Variants in FIGN observed in about 807,000 individuals in gnomAD.
FIGN encodes the protein fidgetin.
A neutral mutation model predicts 51.3 loss-of-function variants in FIGN; 11 were observed. The observed-to-expected ratio is 0.21, with a 90% confidence interval of 0.13 to 0.35. The LOEUF is 0.35. Among genes scored for constraint, FIGN ranks in the 10% least tolerant of loss-of-function variants. FIGN has a pLI of 1.00. For missense variants in FIGN, 857 were observed against 943.6 expected (o/e 0.91, Z 1.20); for synonymous variants, 407 against 363.2 (o/e 1.12, Z -1.37).
At position 163,676,475 on chromosome 2, in the gene FIGN, AT is replaced by A. The variant is rs1559017822; in HGVS notation, c.25+58427del. On this transcript the variant is annotated intron_variant, in intron 2 of 2. Coordinates refer to ENST00000333129, the MANE Select transcript of FIGN (RefSeq NM_018086.4). Reference sequence around the variant, plus strand: ...TATATATATATATATATATATATATATATATATAACTAGAGTCTGTGCACCC... The same window carrying A: ...TATATATATATATATATATATATATAATATATAACTAGAGTCTGTGCACCC... 2.4e-4 allele frequency among the ~76,000 whole-genome samples: 26 copies of A among 107,144 alleles called. 1 individual carries two copies. Among genetic ancestry groups the A allele is most frequent in the African/African-American group, 9.0e-4 (26 of 28,758 alleles). 70.3% of individuals were successfully genotyped at this position (107,144 alleles called of 152,430 possible). A position where few individuals can be genotyped will look rare whatever the true frequency, so the allele number is the denominator to read the frequency against.
intron 2 of FIGN, among the ~76,000 whole-genome samples, chr2:163,704,114 T>C (rs1231026497): frequency 6.6e-6 from 1 of 152,132 alleles, no homozygotes; most frequent in Non-Finnish European, 1.5e-5. Context: ...AATTAAAAAT[T>C]TTTAAAGCTT....
chr2:163,661,422 G>A (rs964638015), intron 2 of FIGN, among the ~76,000 whole-genome samples: 5 of 151,278 alleles, frequency 3.3e-5, no homozygotes, highest in African/African-American at 1.2e-4. Context: ...TGTAGATGGA[G>A]TTTCGCTCTC....
rs1034201776 is a variant in FIGN, at chr2:163,607,810, A to G, written c.*1742T>C. The G allele has an allele frequency of 1.3e-5, 2 of 152,670 alleles. No homozygotes were observed. Among genetic ancestry groups the G allele is most frequent in the African/African-American group, 4.8e-5 (2 of 41,470 alleles). The allele number at this position is 152,670 out of a possible 1,614,324, so 9.5% of individuals were successfully genotyped here. On this transcript the variant is annotated 3_prime_UTR_variant, in exon 3 of 3. Transcript: ENST00000333129. ...TTATGCATGGGCAGTGGCTGTGGAA[A>G]GCTACAGCCTGCTCTGTGACAGTTC...
chr2:163,707,821 G>A lies in FIGN; in HGVS notation c.25+27082C>T, dbSNP rs188400728. Among the ~76,000 whole-genome samples, 109 of 151,964 alleles carry A rather than the reference G, an allele frequency of 7.2e-4. 1 individual carries two copies. Among genetic ancestry groups the A allele is most frequent in the African/African-American group, 2.6e-3 (107 of 41,488 alleles). ...TAATAAATAAAAATATCTGTAGTTA[G>A]GAAAAATACATATTTAACAGAGATA... is the stretch of plus-strand genomic sequence containing the variant. On this transcript the variant is annotated intron_variant, in intron 2 of 2. Transcript: ENST00000333129.
chr2:163,684,924 C>T (rs1684121889), intron 2 of FIGN, among the ~76,000 whole-genome samples: 1 of 150,852 alleles, frequency 6.6e-6, no homozygotes, highest in Non-Finnish European at 1.5e-5. Context: ...AAGGCGGGAG[C>T]CACCATGCCT....
At chr2:163,707,436 T>C (rs1230872206) in intron 2 of FIGN, among the ~76,000 whole-genome samples, 1 of 152,126 alleles carries the variant, frequency 6.6e-6, no homozygotes. Flanking sequence ...CTCTGCCTGA[T>C]ATCAGGTTAT....
intron 2 of FIGN, among the ~76,000 whole-genome samples, chr2:163,724,503 T>A (rs1230759788): frequency 7.1e-6 from 1 of 141,474 alleles, no homozygotes; most frequent in Non-Finnish European, 1.5e-5. Flanking sequence ...TAGGCAAAAG[T>A]TTTTTTATTA....
intron 2 of FIGN, among the ~76,000 whole-genome samples, chr2:163,622,177 C>T (rs1201863938): frequency 6.6e-6 from 1 of 151,956 alleles, no homozygotes; most frequent in East Asian, 1.9e-4. Context: ...ATTAAAGTTG[C>T]TCTTTACAAA....
At chr2:163,634,825 G>T (rs1683201100) in intron 2 of FIGN, among the ~76,000 whole-genome samples, 1 of 152,116 alleles carries the variant, frequency 6.6e-6, no homozygotes, top group South Asian at 2.1e-4. Context: ...GCCAAATTTG[G>T]CACTTACTCT....
Position 163,602,647 on chromosome 2 carries a change from G to A in FIGN, c.*6905C>T, listed in dbSNP as rs918885896. Reference sequence around the variant, plus strand: ...CAGAATTTTTTTTTATTTGAGGTATGCTTGTTCTTTTCTTATTCCATGATA... The same window carrying A: ...CAGAATTTTTTTTTATTTGAGGTATACTTGTTCTTTTCTTATTCCATGATA... On this transcript the variant is annotated 3_prime_UTR_variant, in exon 3 of 3. Coordinates refer to ENST00000333129, the MANE Select transcript of FIGN (RefSeq NM_018086.4). 6.6e-6 allele frequency: 1 copy of A among 151,976 alleles called. No homozygotes were observed. Among genetic ancestry groups the A allele is most frequent in the African/African-American group, 2.4e-5 (1 of 41,388 alleles). The allele number at this position is 151,976 out of a possible 1,614,324, so 9.4% of individuals were successfully genotyped here.
At position 163,603,392 on chromosome 2, in the gene FIGN, A is replaced by G. The variant is rs188706367; in HGVS notation, c.*6160T>C. 2.0e-5 allele frequency: 3 copies of G among 152,260 alleles called. No homozygotes were observed. The highest frequency in any genetic ancestry group is 2.0e-4 in the Admixed American group (3 of 15,274). 9.4% of individuals were successfully genotyped at this position (152,260 alleles called of 1,614,324 possible). On this transcript the variant is annotated 3_prime_UTR_variant, in exon 3 of 3. Transcript: ENST00000333129. Reference sequence around the variant, plus strand: ...TTAAGCAAATAAAATCAATATGGTCAGGGAAGCAAAGTGCACAGAAATTTT... The same window carrying G: ...TTAAGCAAATAAAATCAATATGGTCGGGGAAGCAAAGTGCACAGAAATTTT...
At chr2:163,679,523 G>A (rs1235716794) in intron 2 of FIGN, among the ~76,000 whole-genome samples, 4 of 151,754 alleles carry the variant, frequency 2.6e-5, no homozygotes, top group Non-Finnish European at 4.4e-5. Flanking sequence ...CACTATTTGA[G>A]CTAACTGTGG....
chr2:163,693,822 C>T (rs184707637), intron 2 of FIGN, among the ~76,000 whole-genome samples: 15 of 152,136 alleles, frequency 9.9e-5, no homozygotes, highest in Admixed American at 5.2e-4. Context: ...TGAGGTGATA[C>T]GAAACATATG....
chr2:163,655,534 C>G (rs1683545380), intron 2 of FIGN, among the ~76,000 whole-genome samples: 1 of 152,142 alleles, frequency 6.6e-6, no homozygotes, highest in Admixed American at 6.6e-5. Context: ...ATTCTACCAG[C>G]AGCTTTTGTC....
intron 2 of FIGN, among the ~76,000 whole-genome samples, chr2:163,661,196 A>G (rs966758475): frequency 6.7e-5 from 10 of 150,282 alleles, no homozygotes; most frequent in Admixed American, 1.3e-4. Context: ...ATTTTTTTAA[A>G]ACTATGATTA....
chr2:163,703,578 A>T (rs1684443336), intron 2 of FIGN, among the ~76,000 whole-genome samples: 1 of 152,202 alleles, frequency 6.6e-6, no homozygotes, highest in Non-Finnish European at 1.5e-5. Flanking sequence ...TGAAGAGCTC[A>T]GGTAAATATG....
At chr2:163,662,191 G>T (rs556504324) in intron 2 of FIGN, among the ~76,000 whole-genome samples, 12 of 152,172 alleles carry the variant, frequency 7.9e-5, no homozygotes, top group African/African-American at 2.2e-4. Context: ...TGAGGAACTT[G>T]TTGGGAACTG....
chr2:163,703,162 A>G (rs1051469957), intron 2 of FIGN, among the ~76,000 whole-genome samples: 1 of 152,076 alleles, frequency 6.6e-6, no homozygotes, highest in Non-Finnish European at 1.5e-5. Context: ...TTTCTAATAA[A>G]TGGAGGGAGA....
chr2:163,670,882 T>G (rs1486394909), intron 2 of FIGN, among the ~76,000 whole-genome samples: 1 of 152,186 alleles, frequency 6.6e-6, no homozygotes, highest in East Asian at 1.9e-4. Context: ...AAAAAAGACA[T>G]TAGCCTTTAC....
Sources: gnomAD v4.1 joint callset for allele counts (sites outside exome capture counted in the v4.1 genomes callset) on GRCh38, gnomAD v4.1.1 for gene constraint, MANE v1.5 for transcripts, NCBI Gene and HGNC (gene_info 2026-07-23, HGNC 2026-07-21) for gene names.